Variants in GRIK3 observed in about 807,000 individuals in gnomAD.
GRIK3 encodes the protein glutamate receptor ionotropic, kainate 3.
GRIK3 carries 29 observed loss-of-function variants against 102.5 expected under a neutral mutation model. The ratio of observed to expected loss-of-function variants is 0.28; its 90% CI spans 0.21 to 0.39. The LOEUF (loss-of-function observed/expected upper bound fraction) is 0.39. Among genes scored for constraint, GRIK3 ranks in the 10% least tolerant of loss-of-function variants. The pLI is 1.00. For missense variants in GRIK3, 908 were observed against 1,252.4 expected (o/e 0.73, Z 4.15); for synonymous variants, 511 against 504.9 (o/e 1.01, Z -0.16).
At chr1:36,835,058 C>G (rs557468404) in intron 10 of GRIK3, among the ~76,000 whole-genome samples, 2 of 152,244 alleles carry the variant, frequency 1.3e-5, no homozygotes, top group Non-Finnish European at 2.9e-5. Flanking sequence ...TGAAATATCA[C>G]TTGTCTGATT....
At chr1:36,897,450 G>C (rs573310507) in intron 1 of GRIK3, among the ~76,000 whole-genome samples, 1 of 152,114 alleles carries the variant, frequency 6.6e-6, no homozygotes, top group African/African-American at 2.4e-5. Context: ...ACTTGTACCT[G>C]CTCAATGAAA....
At chr1:36,943,029 T>G (rs1381132496) in intron 1 of GRIK3, among the ~76,000 whole-genome samples, 1 of 152,156 alleles carries the variant, frequency 6.6e-6, no homozygotes, top group Admixed American at 6.5e-5. Context: ...CACTACACAT[T>G]CCCACTCACC....
At chr1:36,802,103 G>A in intron 15 of GRIK3, 58 bp from the exon 16 acceptor site, 2 of 1,256,418 alleles carry the variant, frequency 1.6e-6, no homozygotes, top group Non-Finnish European at 1.1e-6. Flanking sequence ...GCCCGGTCTT[G>A]CAACTCCAGC....
In GRIK3 at chr1:36,906,097, C is replaced by G. The variant is rs572855836; in HGVS notation, c.116-15001G>C. Among the ~76,000 whole-genome samples the G allele has an allele frequency of 2.6e-5, 4 of 152,352 alleles. No homozygotes were observed. In the East Asian group the frequency reaches 7.7e-4, roughly 29 times the overall value. On this transcript the variant is annotated intron_variant, in intron 1 of 15. Transcript: ENST00000373091. ...ACCCACTAATCTCTGCCCTGTGCCA[C>G]CCTGTCACTGGGCCCTGGGATACCA...
intron 1 of GRIK3, among the ~76,000 whole-genome samples, chr1:36,904,927 T>A (rs1641269330): frequency 6.6e-6 from 1 of 152,174 alleles, no homozygotes; most frequent in Non-Finnish European, 1.5e-5. Flanking sequence ...TAACAAATCA[T>A]GTTGTTGCAA....
chr1:36,912,147 C>T (rs1641352085), intron 1 of GRIK3, among the ~76,000 whole-genome samples: 1 of 152,152 alleles, frequency 6.6e-6, no homozygotes, highest in Admixed American at 6.5e-5. Context: ...GGGTTTCGTC[C>T]TGGGTCACGC....
intron 1 of GRIK3, among the ~76,000 whole-genome samples, chr1:37,018,194 A>T (rs1642673816): frequency 6.6e-6 from 1 of 152,130 alleles, no homozygotes. Context: ...TCTGCTGCAA[A>T]ACTCATCGTC....
chr1:36,864,021 C>T (rs183398403), intron 5 of GRIK3, among the ~76,000 whole-genome samples: 117 of 152,284 alleles, frequency 7.7e-4, no homozygotes, highest in African/African-American at 2.7e-3. Flanking sequence ...ATTTTAATGG[C>T]ACCAACCCAA....
At chr1:36,887,808 T>A (rs199998849) in intron 2 of GRIK3, among the ~76,000 whole-genome samples, 19 of 127,428 alleles carry the variant, frequency 1.5e-4, no homozygotes, top group South Asian at 9.6e-4. Context: ...AGAGAGAGAG[T>A]GAGAGAGAGA....
At chr1:36,887,017 T>C (rs1050287802) in intron 2 of GRIK3, among the ~76,000 whole-genome samples, 2 of 152,258 alleles carry the variant, frequency 1.3e-5, no homozygotes, top group African/African-American at 4.8e-5. Flanking sequence ...TTAATTTACT[T>C]CTAACTTTTG....
chr1:36,966,767 C>G (rs1010674191), intron 1 of GRIK3, among the ~76,000 whole-genome samples: 3 of 151,742 alleles, frequency 2.0e-5, no homozygotes, highest in Admixed American at 1.3e-4. Context: ...TACAGACCAC[C>G]CCCCCAACCC....
chr1:36,906,194 A>G (rs1303059415), intron 1 of GRIK3, among the ~76,000 whole-genome samples: 1 of 152,228 alleles, frequency 6.6e-6, no homozygotes. Flanking sequence ...AGAACAGACA[A>G]CTAGCACATG....
At chr1:36,888,502 G>A (rs1298838060) in intron 2 of GRIK3, among the ~76,000 whole-genome samples, 1 of 152,020 alleles carries the variant, frequency 6.6e-6, no homozygotes, top group Non-Finnish European at 1.5e-5. Flanking sequence ...ATAAACTCAT[G>A]CTCCTTGACC....
intron 1 of GRIK3, among the ~76,000 whole-genome samples, chr1:36,992,324 A>T (rs947745950): frequency 6.6e-6 from 1 of 151,326 alleles, no homozygotes; most frequent in Admixed American, 6.6e-5. Flanking sequence ...CTGGAGAGGG[A>T]GGTGTGGGTG....
Position 36,859,261 on chromosome 1 carries a change from AG to A in GRIK3, c.961-11del. ...GTAAGGCTGCATCAGTCTGCAGGGA[AG>A]GGCCTGCCTGAGAGCGGCTCCCAAG... is the stretch of plus-strand genomic sequence containing the variant. On this transcript the variant is annotated splice_polypyrimidine_tract_variant and intron_variant, in intron 6 of 15. Coordinates refer to ENST00000373091, the MANE Select transcript of GRIK3 (RefSeq NM_000831.4). 4 of 1,597,980 alleles carry A rather than the reference AG, an allele frequency of 2.5e-6. No homozygotes were observed. The highest frequency in any genetic ancestry group is 3.4e-6 in the Non-Finnish European group (4 of 1,168,086).
chr1:36,830,981 A>G (rs1238707521), intron 10 of GRIK3, among the ~76,000 whole-genome samples: 1 of 152,150 alleles, frequency 6.6e-6, no homozygotes, highest in Non-Finnish European at 1.5e-5. Context: ...TCTCCTTCAG[A>G]GCCTCCAAAA....
chr1:36,805,957 AAAAAG>A, intron 14 of GRIK3, 142 bp downstream of exon 14: 22 of 539,996 alleles, frequency 4.1e-5, no homozygotes, highest in South Asian at 8.7e-5. Flanking sequence ...AAAAAAAAAA[AAAAAG>A]AAAAGAACAG....
chr1:36,916,398 G>A (rs976356554), intron 1 of GRIK3, among the ~76,000 whole-genome samples: 1 of 152,218 alleles, frequency 6.6e-6, no homozygotes, highest in Non-Finnish European at 1.5e-5. Context: ...GCCAACTGCA[G>A]AAACTTGCAT....
intron 7 of GRIK3, among the ~76,000 whole-genome samples, chr1:36,854,531 T>C (rs1050088345): frequency 1.3e-5 from 2 of 152,036 alleles, no homozygotes; most frequent in African/African-American, 2.4e-5. Context: ...ACATCAGGGG[T>C]TGGCGTCCTA....
Sources: gnomAD v4.1 joint callset for allele counts (sites outside exome capture counted in the v4.1 genomes callset) on GRCh38, gnomAD v4.1.1 for gene constraint, MANE v1.5 for transcripts, NCBI Gene and HGNC (gene_info 2026-07-23, HGNC 2026-07-21) for gene names.